PARD3B: variants seen among roughly 807,000 people sequenced by gnomAD.
PARD3B encodes partitioning defective 3 homolog B.
Under a neutral mutation model 130.2 loss-of-function variants are expected in PARD3B, and 103 were observed. The observed-to-expected ratio is 0.79, with a 90% CI of 0.67 to 0.93. The LOEUF is 0.93. PARD3B is among the 40% of genes least tolerant of loss of function. The pLI is 0.00. For synonymous variants in PARD3B, 583 were observed against 553.2 expected (o/e 1.05, Z -0.76); for missense variants, 1,609 against 1,499.2 (o/e 1.07, Z -1.21).
At chr2:205,323,071 C>T (rs558665281) in intron 18 of PARD3B, among the ~76,000 whole-genome samples, 12 of 151,166 alleles carry the variant, frequency 7.9e-5, no homozygotes, top group East Asian at 2.0e-4. Flanking sequence ...CCACCAAGCC[C>T]GGCTAATTTT....
intron 15 of PARD3B, among the ~76,000 whole-genome samples, chr2:205,228,163 C>A (rs2038658137): frequency 6.6e-6 from 1 of 152,076 alleles, no homozygotes; most frequent in African/African-American, 2.4e-5. Flanking sequence ...TTTTAATATT[C>A]TGTGTTTTTC....
intron 13 of PARD3B, among the ~76,000 whole-genome samples, chr2:205,177,138 A>G (rs962840305): frequency 2.0e-5 from 3 of 152,194 alleles, no homozygotes; most frequent in Admixed American, 2.0e-4. Flanking sequence ...ATGTAAAAAA[A>G]TCTGGGTTTT....
chr2:204,785,516 G>A (rs376852200), intron 2 of PARD3B, among the ~76,000 whole-genome samples: 2 of 152,020 alleles, frequency 1.3e-5, no homozygotes, highest in Non-Finnish European at 2.9e-5. Flanking sequence ...TCCTTAATAT[G>A]ACACTTTAAG....
intron 2 of PARD3B, among the ~76,000 whole-genome samples, chr2:204,833,662 T>G (rs2043916295): frequency 6.6e-6 from 1 of 152,088 alleles, no homozygotes; most frequent in South Asian, 2.1e-4. Context: ...CCTGCACAAG[T>G]TCTGTCTCGT....
At chr2:205,219,096 C>T (rs966340052) in intron 15 of PARD3B, among the ~76,000 whole-genome samples, 2 of 151,370 alleles carry the variant, frequency 1.3e-5, no homozygotes, top group Non-Finnish European at 2.9e-5. Flanking sequence ...AAAAAAAATG[C>T]TGCCTGTGAG....
intron 2 of PARD3B, among the ~76,000 whole-genome samples, chr2:204,759,781 C>T (rs2040823622): frequency 6.6e-6 from 1 of 152,020 alleles, no homozygotes; most frequent in African/African-American, 2.4e-5. Context: ...TGTGATTATA[C>T]CTGTTTTCTT....
At chr2:204,844,316 G>GA (rs1183700401) in intron 2 of PARD3B, among the ~76,000 whole-genome samples, 3 of 151,642 alleles carry the variant, frequency 2.0e-5, no homozygotes, top group East Asian at 1.9e-4. Context: ...ATTGTAGCAG[G>GA]AAAAAAAACT....
At chr2:204,744,304 G>A (rs914013436) in intron 2 of PARD3B, among the ~76,000 whole-genome samples, 5 of 152,244 alleles carry the variant, frequency 3.3e-5, no homozygotes, top group Admixed American at 2.6e-4. Flanking sequence ...GGACCCTCAG[G>A]AACCTTGTCC....
At chr2:205,054,402 T>TATA (rs1559392745) in intron 4 of PARD3B, among the ~76,000 whole-genome samples, 38 of 39,196 alleles carry the variant, frequency 9.7e-4, no homozygotes, top group South Asian at 6.4e-3. Flanking sequence ...ATGACATGTC[T>TATA]TTTATATATA....
At chr2:205,194,251 CTGTTA>C (rs1273352730) in intron 15 of PARD3B, among the ~76,000 whole-genome samples, 1 of 152,186 alleles carries the variant, frequency 6.6e-6, no homozygotes, top group Non-Finnish European at 1.5e-5. Flanking sequence ...TAGTGCTTTT[CTGTTA>C]CTCACTTACA....
chr2:205,594,060 G>A (rs542495802), intron 22 of PARD3B, among the ~76,000 whole-genome samples: 1 of 152,342 alleles, frequency 6.6e-6, no homozygotes, highest in South Asian at 2.1e-4. Context: ...CTGAAGGGCA[G>A]CAACGTGAGC....
chr2:205,285,344 A>T (rs930257307), intron 16 of PARD3B, among the ~76,000 whole-genome samples: 5 of 152,136 alleles, frequency 3.3e-5, no homozygotes, highest in African/African-American at 1.2e-4. Context: ...ATCCCAGTTT[A>T]GGGTACTGAG....
chr2:204,785,553 T>C (rs1037218543), intron 2 of PARD3B, among the ~76,000 whole-genome samples: 1 of 152,166 alleles, frequency 6.6e-6, no homozygotes, highest in African/African-American at 2.4e-5. Flanking sequence ...TGCCATAACC[T>C]ACCAAACCCA....
intron 4 of PARD3B, among the ~76,000 whole-genome samples, chr2:205,054,894 T>C (rs967440573): frequency 6.6e-6 from 1 of 151,758 alleles, no homozygotes. Flanking sequence ...AAATGAGTGG[T>C]TTTTTTTCCC....
In PARD3B at chr2:205,569,780, T is replaced by C. The variant is rs75935606; in HGVS notation, c.3260+16377T>C. On this transcript the variant is annotated intron_variant, in intron 22 of 22. Transcript: ENST00000406610. ...TGATACAACACCAGGTATTCAGTGTTCTGGGAATAGTCAAGATCATCCAAT... is the reference window on the plus strand; with the variant it reads ...TGATACAACACCAGGTATTCAGTGTCCTGGGAATAGTCAAGATCATCCAAT... Among the ~76,000 whole-genome samples, 480 of 152,304 alleles carry C rather than the reference T, an allele frequency of 3.2e-3. 12 individuals are homozygous for C. In the East Asian group the frequency reaches 0.041, roughly 13 times the overall value.
At chr2:204,747,398 G>A (rs899790416) in intron 2 of PARD3B, among the ~76,000 whole-genome samples, 1 of 151,900 alleles carries the variant, frequency 6.6e-6, no homozygotes, top group Admixed American at 6.6e-5. Context: ...CTCTTCAAGG[G>A]GAACTATAAA....
intron 2 of PARD3B, among the ~76,000 whole-genome samples, chr2:204,757,550 GTCT>G (rs549427380): frequency 6.6e-4 from 101 of 152,170 alleles, no homozygotes; most frequent in South Asian, 2.5e-3. Flanking sequence ...CTGCTTGTAG[GTCT>G]TCTTTTGAGA....
chr2:204,585,577 C>G (rs538934590), intron 1 of PARD3B, among the ~76,000 whole-genome samples: 1 of 151,344 alleles, frequency 6.6e-6, no homozygotes, highest in African/African-American at 2.4e-5. Context: ...CTCCTGGCCT[C>G]AAGTGATTTT....
In PARD3B at chr2:205,104,409, A is replaced by G. The variant is rs374653429; in HGVS notation, c.505-17A>G. 3.3e-6 allele frequency: 5 copies of G among 1,534,088 alleles called. No homozygotes were observed. Among genetic ancestry groups the G allele is most frequent in the East Asian group, 4.5e-5 (2 of 44,400 alleles). On this transcript the variant is annotated splice_polypyrimidine_tract_variant and intron_variant, in intron 4 of 22. Transcript: ENST00000406610. ...ATATGCACAGCATCACATGCTTATG[A>G]CTTTGTTTCACTATAGGATTCCACG...
Sources: gnomAD v4.1 joint callset for allele counts (sites outside exome capture counted in the v4.1 genomes callset) on GRCh38, gnomAD v4.1.1 for gene constraint, MANE v1.5 for transcripts, NCBI Gene and HGNC (gene_info 2026-07-23, HGNC 2026-07-21) for gene names.